Variants in CCDC134 observed in about 807,000 individuals in gnomAD.
The protein encoded by CCDC134 is coiled-coil domain-containing protein 134.
In CCDC134, 27 loss-of-function variants were observed where a neutral mutation model predicts 25.6. The observed-to-expected ratio is 1.05, with a 90% CI of 0.78 to 1.45. The LOEUF is 1.45. Ranked by LOEUF, CCDC134 falls within the 40% of genes most tolerant of loss-of-function variation. CCDC134 has a pLI of 0.00. For missense variants in CCDC134, 261 were observed against 286.7 expected (o/e 0.91, Z 0.65); for synonymous variants, 110 against 115.0 (o/e 0.96, Z 0.28).
intron 6 of CCDC134, among the ~76,000 whole-genome samples, chr22:41,818,478 T>A (rs1180109689): frequency 6.6e-6 from 1 of 152,268 alleles, no homozygotes; most frequent in Non-Finnish European, 1.5e-5. Context: ...TGCTAAGGGC[T>A]AACCTTGGAA....
chr22:41,814,843 T>C (rs891221917), intron 6 of CCDC134, among the ~76,000 whole-genome samples: 2 of 152,198 alleles, frequency 1.3e-5, no homozygotes, highest in African/African-American at 4.8e-5. Flanking sequence ...CTGGTTGTGT[T>C]GGTTCATCTT....
rs1356417080 is a variant in CCDC134, at chr22:41,828,965, G to A, written c.*3142G>A. 2.0e-5 allele frequency among the ~76,000 whole-genome samples: 3 copies of A among 152,178 alleles called. No homozygotes were observed. Among genetic ancestry groups the A allele is most frequent in the Admixed American group, 6.5e-5 (1 of 15,268 alleles). ...GCTCCCTGATATCCTTTAAGACAGC[G>A]TTTTCCAGCAGCGGCACTATTAACG... On this transcript the variant is annotated 3_prime_UTR_variant, in exon 7 of 7. Coordinates refer to ENST00000255784, the MANE Select transcript of CCDC134 (RefSeq NM_024821.5).
chr22:41,825,591 C>A lies in CCDC134; in HGVS notation c.565-107C>A. ...TCCTGTCTCCGTGTCTGGGGCAGGG[C>A]CTGTGTCCAGGGAACCTTCCTATTC... On this transcript the variant is annotated intron_variant, in intron 6 of 6. Coordinates refer to ENST00000255784, the MANE Select transcript of CCDC134 (RefSeq NM_024821.5). This position sits in a 1 kb window ranked among gnomAD's most constrained non-coding sequence, Gnocchi z 4.4. 1 of 1,414,178 alleles carries A rather than the reference C, an allele frequency of 7.1e-7. No individual in the cohort carries two copies. The highest frequency in any genetic ancestry group is 9.7e-7 in the Non-Finnish European group (1 of 1,031,128). The allele number at this position is 1,414,178 out of a possible 1,614,324, so 87.6% of individuals were successfully genotyped here.
intron 1 of CCDC134, among the ~76,000 whole-genome samples, chr22:41,806,439 C>T (rs555403468): frequency 1.3e-4 from 20 of 151,896 alleles, no homozygotes; most frequent in African/African-American, 4.8e-4. Context: ...CCAGGATGGT[C>T]TTGATCTCCT....
At chr22:41,809,118 C>A in intron 2 of CCDC134, 125 bp downstream of exon 2, 1 of 710,082 alleles carries the variant, frequency 1.4e-6, no homozygotes, top group South Asian at 1.8e-5. Flanking sequence ...GTGAGGTGCT[C>A]TAGCCAGACC....
At chr22:41,818,758 T>C (rs905180160) in intron 6 of CCDC134, among the ~76,000 whole-genome samples, 1 of 152,230 alleles carries the variant, frequency 6.6e-6, no homozygotes, top group Non-Finnish European at 1.5e-5. Flanking sequence ...CCCTGATAAA[T>C]GGCCCAGATC....
intron 2 of CCDC134, among the ~76,000 whole-genome samples, 195 bp downstream of exon 2, chr22:41,809,188 A>G (rs2076582540): frequency 6.6e-6 from 1 of 152,192 alleles, no homozygotes; most frequent in Non-Finnish European, 1.5e-5. Flanking sequence ...GGAGATGACA[A>G]GGCCCATCTC....
Position 41,829,353 on chromosome 22 carries a change from G to A in CCDC134, c.*3530G>A, listed in dbSNP as rs1186523344. On this transcript the variant is annotated 3_prime_UTR_variant, in exon 7 of 7. Transcript: ENST00000255784. ...CTTCTTTCCTCACCTGCCCCCGTTT[G>A]CATGAAGTTTTTTATGGAGCTGTTT... 6.6e-6 allele frequency among the ~76,000 whole-genome samples: 1 copy of A among 152,162 alleles called. No individual in the cohort carries two copies. The highest frequency in any genetic ancestry group is 2.4e-5 in the African/African-American group (1 of 41,430).
chr22:41,810,132 G>A, intron 3 of CCDC134, 75 bp from the exon 4 acceptor site: 2 of 1,595,582 alleles, frequency 1.3e-6, no homozygotes, highest in East Asian at 2.2e-5. Context: ...TTGAAGTGGG[G>A]TTTAAATAAA....
intron 1 of CCDC134, among the ~76,000 whole-genome samples, chr22:41,806,778 T>C (rs1446709290): frequency 4.6e-5 from 7 of 152,034 alleles, no homozygotes; most frequent in African/African-American, 1.7e-4. Context: ...CCAGGCACGG[T>C]GGCTCACGAC....
At chr22:41,823,536 A>G (rs887632614) in intron 6 of CCDC134, among the ~76,000 whole-genome samples, 4 of 152,230 alleles carry the variant, frequency 2.6e-5, no homozygotes, top group Admixed American at 1.3e-4. Flanking sequence ...CCAGTCTTCA[A>G]AATAAAAACC....
intron 6 of CCDC134, among the ~76,000 whole-genome samples, chr22:41,814,075 C>T (rs775149571): frequency 6.6e-6 from 1 of 152,218 alleles, no homozygotes; most frequent in Non-Finnish European, 1.5e-5. Context: ...TATGAACAAA[C>T]CCATCCCAGC....
chr22:41,805,233 T>G (rs2076562392), intron 1 of CCDC134, among the ~76,000 whole-genome samples: 1 of 151,858 alleles, frequency 6.6e-6, no homozygotes, highest in African/African-American at 2.4e-5. Context: ...GAGTTCAAGA[T>G]CAACCTGGGA....
chr22:41,802,121 AC>A (rs2076546549), intron 1 of CCDC134, among the ~76,000 whole-genome samples: 1 of 151,864 alleles, frequency 6.6e-6, no homozygotes, highest in Non-Finnish European at 1.5e-5. Context: ...GTGCATAAGA[AC>A]CCTCTTTTCA....
At position 41,825,622 on chromosome 22, in the gene CCDC134, C is replaced by G; in HGVS notation, c.565-76C>G. 1.3e-6 allele frequency: 2 copies of G among 1,583,304 alleles called. No homozygotes were observed. The highest frequency in any genetic ancestry group is 2.3e-5 in the South Asian group (2 of 87,618). On this transcript the variant is annotated intron_variant, in intron 6 of 6. Transcript: ENST00000255784. This position sits in a 1 kb window ranked among gnomAD's most constrained non-coding sequence, Gnocchi z 4.4. ...TCCAGGGAACCTTCCTATTCCCACACCCCGCTGGTGGCCTAGCTCAGAGCA... is the reference window on the plus strand; with the variant it reads ...TCCAGGGAACCTTCCTATTCCCACAGCCCGCTGGTGGCCTAGCTCAGAGCA...
intron 5 of CCDC134, 143 bp downstream of exon 5, chr22:41,813,588 G>A: frequency 8.2e-7 from 1 of 1,222,610 alleles, no homozygotes; most frequent in South Asian, 1.4e-5. Flanking sequence ...GGCCACAGAG[G>A]CCCCATTTCA....
At chr22:41,821,420 T>C (rs2076651118) in intron 6 of CCDC134, among the ~76,000 whole-genome samples, 1 of 151,826 alleles carries the variant, frequency 6.6e-6, no homozygotes. Context: ...GCTGCACCCA[T>C]TAACTTGTCA....
intron 6 of CCDC134, among the ~76,000 whole-genome samples, chr22:41,819,978 T>TATGC (rs2076641611): frequency 8.0e-6 from 1 of 125,074 alleles, no homozygotes; most frequent in South Asian, 2.5e-4. Flanking sequence ...TATATATATA[T>TATGC]ATATATATAT....
Position 41,821,315 on chromosome 22 carries a change from CTTTT to C in CCDC134, c.565-4375_565-4372del, listed in dbSNP as rs112791845. On this transcript the variant is annotated intron_variant, in intron 6 of 6. Transcript: ENST00000255784. ...CAGCCCTTTCGAAAAGTTTTCCTTT[CTTTT>C]TTTTTTTATTATTATTATACTTTAA... 3.6e-4 allele frequency among the ~76,000 whole-genome samples: 53 copies of C among 145,922 alleles called. 1 individual carries two copies. Among genetic ancestry groups the C allele is most frequent in the Admixed American group, 3.2e-3 (47 of 14,606 alleles).
Sources: allele counts gnomAD v4.1 joint callset (sites outside exome capture counted in the v4.1 genomes callset), GRCh38; gene constraint gnomAD v4.1.1; non-coding constraint Gnocchi (gnomAD v3.1); transcripts MANE v1.5; gene names NCBI Gene and HGNC (gene_info 2026-07-23, HGNC 2026-07-21).